The following CARF variants were observed in gnomAD, a reference collection of about 807,000 sequenced individuals.
CARF encodes calcium responsive transcription factor.
Under a neutral mutation model 82.0 loss-of-function variants are expected in CARF, and 57 were observed. The ratio of observed to expected loss-of-function variants is 0.70; its 90% CI spans 0.56 to 0.87. The LOEUF (loss-of-function observed/expected upper bound fraction) is 0.87. Among genes scored for constraint, CARF ranks in the 40% least tolerant of loss-of-function variants. The probability of loss-of-function intolerance (pLI) is 0.00; values close to 1 mark genes in which losing one functional copy is unlikely to be tolerated. For synonymous variants in CARF, 268 were observed against 290.1 expected (o/e 0.92, Z 0.77); for missense variants, 771 against 855.8 (o/e 0.90, Z 1.24).
intron 14 of CARF, among the ~76,000 whole-genome samples, chr2:202,980,045 C>A (rs781174607): frequency 7.9e-5 from 12 of 152,162 alleles, no homozygotes; most frequent in Non-Finnish European, 1.6e-4. Flanking sequence ...GTATCCTCTG[C>A]CTCCTGGGCT....
rs562698708 is a variant in CARF, at chr2:202,987,901, A to G, written c.*4277A>G. 6.6e-6 allele frequency among the ~76,000 whole-genome samples: 1 copy of G among 152,306 alleles called. No individual in the cohort carries two copies. Among genetic ancestry groups the G allele is most frequent in the South Asian group, 2.1e-4 (1 of 4,832 alleles). ...GTCATATGCATACAGCCATGAAATC[A>G]TCAGCATAAGCAAGGTAATGAACAT... is the stretch of plus-strand genomic sequence containing the variant. On this transcript the variant is annotated 3_prime_UTR_variant, in exon 17 of 17. Coordinates refer to ENST00000438828, the MANE Select transcript of CARF (RefSeq NM_024744.17).
At chr2:202,928,666 G>T (rs1692307704) in intron 3 of CARF, among the ~76,000 whole-genome samples, 1 of 152,020 alleles carries the variant, frequency 6.6e-6, no homozygotes, top group African/African-American at 2.4e-5. Flanking sequence ...TTCTAACCGA[G>T]GTGAGATGAT....
rs201737264 is a variant in CARF at position 202,982,301 on chromosome 2, A to C, written c.1919A>C (p.Gln640Pro). The C allele has an allele frequency of 4.4e-5, 71 of 1,614,194 alleles. No individual in the cohort carries two copies. Among genetic ancestry groups the C allele is most frequent in the Admixed American group, 3.7e-4 (22 of 60,026 alleles). The change falls in exon 16 of 17, where the codon CAA (glutamine) becomes CCA (proline). Residue 640 changes from glutamine (Q) to proline (P), a missense_variant. Coordinates refer to ENST00000438828, the MANE Select transcript of CARF (RefSeq NM_024744.17). ...ATGGGTAACCTTCCAGAACCAGATC[A>C]AAATCTAGTTGCAATGGACGAGCTG... ...STMGNLPEPD[Q>P]NLVAMDELVE...
rs1255580959 is a variant in CARF, at chr2:202,969,911, G to T, written c.954-8G>T. The T allele has an allele frequency of 6.9e-7, 1 of 1,448,818 alleles. No individual in the cohort carries two copies. The highest frequency in any genetic ancestry group is 1.4e-5 in the South Asian group (1 of 72,500). The allele number at this position is 1,448,818 out of a possible 1,614,324, so 89.7% of individuals were successfully genotyped here. ...AATGAAACAAATTCTTCTTTATCTT[G>T]TATAAAGGATTTACATTAAAAAGGT... On this transcript the variant is annotated splice_region_variant and splice_polypyrimidine_tract_variant and intron_variant, in intron 10 of 16. Transcript: ENST00000438828.
In CARF at chr2:202,983,528, C is replaced by T; in HGVS notation, c.2082C>T (p.Thr694=). The change falls in exon 17 of 17, where the codon ACC becomes ACT. Residue 694 remains threonine (T), a synonymous_variant. Coordinates refer to ENST00000438828, the MANE Select transcript of CARF (RefSeq NM_024744.17). ...AAGTTGAAGAAAATCCAGAAAGTAC[C>T]ATTTCTGTGAGCCAAGTTAAACAAG... ...SALIEENPES[T]ISVSQVKQEP... 1 of 1,605,814 alleles carries T rather than the reference C, an allele frequency of 6.2e-7. No homozygotes were observed. The highest frequency in any genetic ancestry group is 8.5e-7 in the Non-Finnish European group (1 of 1,176,128).
intron 13 of CARF, among the ~76,000 whole-genome samples, chr2:202,975,842 C>T (rs143450835): frequency 0.089 from 13,576 of 151,834 alleles, 744 homozygotes; most frequent in Non-Finnish European, 0.12. Flanking sequence ...ATCAGGAGTT[C>T]GAGACCAGCC....
chr2:202,956,468 C>T (rs1002027590), intron 8 of CARF, among the ~76,000 whole-genome samples: 2 of 152,040 alleles, frequency 1.3e-5, no homozygotes, highest in Non-Finnish European at 2.9e-5. Flanking sequence ...GTTGGCCAGA[C>T]TGGTCTCAAA....
chr2:202,976,319 T>A (rs1356774857), intron 13 of CARF, among the ~76,000 whole-genome samples: 1 of 151,726 alleles, frequency 6.6e-6, no homozygotes, highest in African/African-American at 2.4e-5. Flanking sequence ...GGATTACAGG[T>A]TTCAGCCACC....
chr2:202,931,520 C>T (rs142269320), intron 3 of CARF, among the ~76,000 whole-genome samples: 104 of 152,210 alleles, frequency 6.8e-4, no homozygotes, highest in African/African-American at 1.8e-3. Context: ...CCTTTGGTAG[C>T]GTCATACTTC....
Position 202,971,581 on chromosome 2 carries a change from T to C in CARF, c.1174T>C (p.Ser392Pro). The C allele has an allele frequency of 2.5e-6, 4 of 1,613,762 alleles. No individual in the cohort carries two copies. The highest frequency in any genetic ancestry group is 3.4e-6 in the Non-Finnish European group (4 of 1,179,832). The change falls in exon 12 of 17, where the codon TCT becomes CCT. Residue 392 changes from serine (S) to proline (P), a missense_variant. Transcript: ENST00000438828. ...GACTCCCTGCCTCACTTTGTCACCTTCTCCTTTTCCTGTGTCTTCTCTTGA... is the reference window on the plus strand; with the variant it reads ...GACTCCCTGCCTCACTTTGTCACCTCCTCCTTTTCCTGTGTCTTCTCTTGA... ...LETPCLTLSP[S>P]PFPVSSLEEE...
chr2:202,961,779 C>G (rs913880879), intron 9 of CARF: 4 of 333,582 alleles, frequency 1.2e-5, no homozygotes, highest in African/African-American at 6.5e-5. Context: ...TTAGCCTTCT[C>G]TCTTAATTTG....
intron 8 of CARF, among the ~76,000 whole-genome samples, chr2:202,958,714 G>A (rs1399324549): frequency 6.6e-6 from 1 of 151,906 alleles, no homozygotes; most frequent in Non-Finnish European, 1.5e-5. Flanking sequence ...AGACCATCCT[G>A]GCCAACATGG....
chr2:202,961,451 A>G (rs2059317218), intron 9 of CARF, 25 bp downstream of exon 9: 1 of 1,600,686 alleles, frequency 6.2e-7, no homozygotes. Flanking sequence ...AATTATTTTA[A>G]AAGGTTCAGC....
intron 1 of CARF, among the ~76,000 whole-genome samples, chr2:202,917,474 A>G (rs371910303): frequency 2.0e-5 from 3 of 152,174 alleles, no homozygotes; most frequent in South Asian, 4.1e-4. Flanking sequence ...AAGCCTGTCA[A>G]TTCTAGGGTT....
intron 5 of CARF, among the ~76,000 whole-genome samples, chr2:202,950,745 A>G (rs58964991): frequency 0.013 from 1,992 of 152,288 alleles, 43 homozygotes; most frequent in African/African-American, 0.044. Context: ...GATACACGTG[A>G]TGAGGATTAA....
chr2:202,987,825 T>C lies in CARF; in HGVS notation c.*4201T>C, dbSNP rs2060491259. On this transcript the variant is annotated 3_prime_UTR_variant, in exon 17 of 17. Transcript: ENST00000438828. ...TTTAAATATCTTTATTGAGGTATAATTGAAATACAATAAACTGTACATATT... is the reference window on the plus strand; with the variant it reads ...TTTAAATATCTTTATTGAGGTATAACTGAAATACAATAAACTGTACATATT... Among the ~76,000 whole-genome samples the C allele has an allele frequency of 6.6e-6, 1 of 152,178 alleles. No homozygotes were observed. The highest frequency in any genetic ancestry group is 1.5e-5 in the Non-Finnish European group (1 of 68,030).
intron 3 of CARF, among the ~76,000 whole-genome samples, chr2:202,927,587 G>C (rs1023447084): frequency 3.3e-5 from 5 of 151,712 alleles, no homozygotes; most frequent in Non-Finnish European, 5.9e-5. Context: ...AAGTTAATGG[G>C]GTATAGTGTG....
intron 3 of CARF, among the ~76,000 whole-genome samples, chr2:202,935,807 C>G (rs934253024): frequency 5.9e-5 from 9 of 152,040 alleles, no homozygotes; most frequent in Non-Finnish European, 1.2e-4. Context: ...CATTCACATA[C>G]CTAAAAACAC....
chr2:202,941,467 A>G (rs2058226742), intron 3 of CARF, among the ~76,000 whole-genome samples: 1 of 152,190 alleles, frequency 6.6e-6, no homozygotes, highest in Non-Finnish European at 1.5e-5. Context: ...CTATTTTAAA[A>G]TTATATACTG....
Sources: gnomAD v4.1 joint callset for allele counts (sites outside exome capture counted in the v4.1 genomes callset) on GRCh38, gnomAD v4.1.1 for gene constraint, MANE v1.5 for transcripts, NCBI Gene and HGNC (gene_info 2026-07-23, HGNC 2026-07-21) for gene names.